LRP2: variants seen among roughly 807,000 people sequenced by gnomAD.
LRP2 encodes the protein low-density lipoprotein receptor-related protein 2.
Under a neutral mutation model 531.0 loss-of-function variants are expected in LRP2, and 172 were observed. The ratio of observed to expected loss-of-function variants is 0.32; its 90% CI spans 0.29 to 0.37. The LOEUF (loss-of-function observed/expected upper bound fraction) is 0.37, where lower values mean the gene tolerates loss of function less well. Ranked by LOEUF, LRP2 falls within the 10% of genes least tolerant of loss-of-function variation. LRP2 has a pLI of 1.00. For missense variants in LRP2, 5,167 were observed against 5,868.3 expected (o/e 0.88, Z 3.90); for synonymous variants, 1,992 against 2,027.6 (o/e 0.98, Z 0.47).
intron 9 of LRP2, among the ~76,000 whole-genome samples, chr2:169,285,451 G>T (rs1444486546): frequency 1.3e-5 from 2 of 152,118 alleles, no homozygotes; most frequent in East Asian, 3.9e-4. Context: ...GAGGGTTTTC[G>T]TGAGAGTAGA....
At position 169,222,891 on chromosome 2, in the gene LRP2, A is replaced by G. The variant is rs535481737; in HGVS notation, c.5539-2328T>C. ...TTCAAGACTCAGCTCACAAGTAACC[A>G]TGAATGGGAAATCTGCATGCTCTCT... On this transcript the variant is annotated intron_variant, in intron 33 of 78. Coordinates refer to ENST00000649046, the MANE Select transcript of LRP2 (RefSeq NM_004525.3). Among the ~76,000 whole-genome samples, 270 of 152,276 alleles carry G rather than the reference A, an allele frequency of 1.8e-3. 1 individual carries two copies. The highest frequency in any genetic ancestry group is 6.1e-3 in the African/African-American group (255 of 41,564).
At chr2:169,198,945 A>G in intron 44 of LRP2, 34 bp from the exon 45 acceptor site, 2 of 1,605,842 alleles carry the variant, frequency 1.2e-6, no homozygotes, top group East Asian at 2.2e-5. Context: ...TATTAGGAAT[A>G]TATCCACCAA....
At chr2:169,295,544 T>G (rs1356019492) in intron 4 of LRP2, among the ~76,000 whole-genome samples, 2 of 152,212 alleles carry the variant, frequency 1.3e-5, no homozygotes, top group East Asian at 1.9e-4. Context: ...CTCTCATGAC[T>G]TCTTACTGGA....
intron 49 of LRP2, among the ~76,000 whole-genome samples, chr2:169,186,591 C>T (rs1687643893): frequency 6.6e-6 from 1 of 152,218 alleles, no homozygotes; most frequent in South Asian, 2.1e-4. Flanking sequence ...TAGATTAAAA[C>T]TTCATGCATT....
chr2:169,169,022 T>A (rs75944310), intron 60 of LRP2, among the ~76,000 whole-genome samples: 3,081 of 152,318 alleles, frequency 0.02, 39 homozygotes, highest in Non-Finnish European at 0.03. Flanking sequence ...TCATGGATGA[T>A]GGTTATTGTT....
intron 13 of LRP2, among the ~76,000 whole-genome samples, chr2:169,276,457 T>A (rs559680779): frequency 6.6e-6 from 1 of 152,292 alleles, no homozygotes; most frequent in African/African-American, 2.4e-5. Context: ...GAGAAAAAAT[T>A]TAAGCAATTT....
At chr2:169,316,654 G>C (rs2544381) in intron 3 of LRP2, among the ~76,000 whole-genome samples, 50,220 of 151,980 alleles carry the variant, frequency 0.33, 8,821 homozygotes, top group African/African-American at 0.46. Flanking sequence ...AGGTAGTTGA[G>C]TATACAAGAC....
chr2:169,200,637 T>C (rs1223679570), intron 44 of LRP2, among the ~76,000 whole-genome samples: 1 of 152,100 alleles, frequency 6.6e-6, no homozygotes, highest in Non-Finnish European at 1.5e-5. Flanking sequence ...AAACAAAAAG[T>C]TAATTCTCCT....
intron 31 of LRP2, among the ~76,000 whole-genome samples, chr2:169,230,004 G>A (rs1478059166): frequency 6.6e-6 from 1 of 152,154 alleles, no homozygotes; most frequent in Non-Finnish European, 1.5e-5. Flanking sequence ...CAGTTACTCA[G>A]CTGGTGCTCT....
At chr2:169,356,461 G>A (rs962096278) in intron 1 of LRP2, among the ~76,000 whole-genome samples, 1 of 152,188 alleles carries the variant, frequency 6.6e-6, no homozygotes, top group African/African-American at 2.4e-5. Context: ...AGACTTCACA[G>A]TTTATTAAAC....
At chr2:169,309,667 A>C (rs1394691881) in intron 3 of LRP2, among the ~76,000 whole-genome samples, 1 of 152,150 alleles carries the variant, frequency 6.6e-6, no homozygotes. Context: ...TGATGCCTCC[A>C]GCTTTGTTCT....
intron 2 of LRP2, 135 bp downstream of exon 2, chr2:169,320,642 C>T (rs1559073844): frequency 1.3e-6 from 1 of 741,926 alleles, no homozygotes; most frequent in Admixed American, 2.0e-5. Flanking sequence ...TTCAACCACA[C>T]AGATCTCAAA....
chr2:169,172,917 G>A (rs1287781754), intron 57 of LRP2, among the ~76,000 whole-genome samples, 179 bp downstream of exon 57: 1 of 152,066 alleles, frequency 6.6e-6, no homozygotes, highest in Non-Finnish European at 1.5e-5. Context: ...AATACCCCTG[G>A]TAACCCTGCA....
In LRP2 at chr2:169,185,604, C is replaced by T. The variant is rs1345717409; in HGVS notation, c.9744G>A (p.Arg3248=). The T allele has an allele frequency of 2.5e-6, 4 of 1,614,010 alleles. No homozygotes were observed. The highest frequency in any genetic ancestry group is 1.1e-5 in the South Asian group (1 of 91,080). The change falls in exon 50 of 79, where the codon AGG becomes AGA. Residue 3248 remains arginine (R), a synonymous_variant. Coordinates refer to ENST00000649046, the MANE Select transcript of LRP2 (RefSeq NM_004525.3). The part of the protein sequence containing the change: ...EKRLYWIDTQ[R]QVIERMFLNK... ...TCAGAAACATTCTCTCAATGACTTG[C>T]CTCTGTGTATCAATCCAATACAATC...
chr2:169,171,942 G>A (rs1329710549), intron 58 of LRP2, 73 bp downstream of exon 58: 1 of 1,587,958 alleles, frequency 6.3e-7, no homozygotes, highest in Non-Finnish European at 8.6e-7. Context: ...GACATAGACA[G>A]TTGAATTATG....
At chr2:169,298,884 T>A (rs1684199241) in intron 4 of LRP2, among the ~76,000 whole-genome samples, 1 of 151,816 alleles carries the variant, frequency 6.6e-6, no homozygotes, top group Admixed American at 6.6e-5. Flanking sequence ...CCATTCCTGG[T>A]GAATTTCAAG....
chr2:169,350,899 C>G (rs1685829969), intron 1 of LRP2, among the ~76,000 whole-genome samples: 1 of 151,978 alleles, frequency 6.6e-6, no homozygotes, highest in Non-Finnish European at 1.5e-5. Context: ...GATGTTCTTT[C>G]CACCAGAGTC....
At chr2:169,267,984 G>A (rs185391310) in intron 16 of LRP2, among the ~76,000 whole-genome samples, 106 of 152,300 alleles carry the variant, frequency 7.0e-4, no homozygotes, top group African/African-American at 2.2e-3. Context: ...ATACCTCTAT[G>A]CAAATAAACT....
At chr2:169,217,930 A>C (rs1688856185) in intron 34 of LRP2, among the ~76,000 whole-genome samples, 1 of 152,144 alleles carries the variant, frequency 6.6e-6, no homozygotes. Context: ...TTTCCAATAC[A>C]AAATTCTTAA....
Sources: gnomAD v4.1 joint callset for allele counts (sites outside exome capture counted in the v4.1 genomes callset) on GRCh38, gnomAD v4.1.1 for gene constraint, MANE v1.5 for transcripts, NCBI Gene and HGNC (gene_info 2026-07-23, HGNC 2026-07-21) for gene names.